GRXCR2: variants seen among roughly 807,000 people sequenced by gnomAD.
GRXCR2 encodes glutaredoxin domain-containing cysteine-rich protein 2.
In GRXCR2, 23 loss-of-function variants were observed where a neutral mutation model predicts 24.8. The ratio of observed to expected loss-of-function variants is 0.93; its 90% CI spans 0.67 to 1.32. The LOEUF (loss-of-function observed/expected upper bound fraction) is 1.32, where lower values mean the gene tolerates loss of function less well. Among genes scored for constraint, GRXCR2 ranks in the 40% most tolerant of loss-of-function variants. The pLI, the probability that GRXCR2 is intolerant of heterozygous loss-of-function variation, is 0.00. For synonymous variants in GRXCR2, 130 were observed against 116.1 expected (o/e 1.12, Z -0.77); for missense variants, 315 against 303.4 (o/e 1.04, Z -0.28).
At position 145,928,830 on chromosome 5, in the gene GRXCR2, C is replaced by G. The variant is rs954111636; in HGVS notation, c.-70+6871G>C. Among the ~76,000 whole-genome samples the G allele has an allele frequency of 2.0e-5, 3 of 151,256 alleles. 1 individual carries two copies. The South Asian group carries it at 6.3e-4, about 32-fold the overall frequency. On this transcript the variant is annotated intron_variant, in intron 2 of 3. Transcript: ENST00000639411. ...TGACAAGTTAATGGGTGCAGCACAC[C>G]AACATGGCACATGTATACATATATA...
intron 2 of GRXCR2, among the ~76,000 whole-genome samples, chr5:145,905,803 G>A (rs1385877372): frequency 1.3e-5 from 2 of 152,072 alleles, no homozygotes; most frequent in Non-Finnish European, 2.9e-5. Context: ...AAGGCTGGGA[G>A]GCATATAGTA....
chr5:145,861,528 C>A (rs933444679), intron 2 of GRXCR2, among the ~76,000 whole-genome samples: 2 of 151,986 alleles, frequency 1.3e-5, no homozygotes, highest in Non-Finnish European at 2.9e-5. Context: ...AGTTCCCCCA[C>A]CCCCATGGCC....
At chr5:145,861,542 T>C (rs1756339204) in intron 2 of GRXCR2, among the ~76,000 whole-genome samples, 1 of 152,042 alleles carries the variant, frequency 6.6e-6, no homozygotes, top group African/African-American at 2.4e-5. Context: ...CATGGCCACC[T>C]GTACTGCCCC....
At chr5:145,919,903 G>A (rs892047726) in intron 2 of GRXCR2, among the ~76,000 whole-genome samples, 13 of 152,144 alleles carry the variant, frequency 8.5e-5, no homozygotes, top group African/African-American at 3.1e-4. Flanking sequence ...AGGGTCTTGT[G>A]AGGTAGGAGA....
chr5:145,904,753 G>A (rs1757067969), intron 2 of GRXCR2, among the ~76,000 whole-genome samples: 1 of 152,148 alleles, frequency 6.6e-6, no homozygotes. Context: ...GACAATCATT[G>A]TATTCCCTCT....
intron 2 of GRXCR2, among the ~76,000 whole-genome samples, chr5:145,884,296 A>G (rs1756745461): frequency 6.6e-6 from 1 of 152,130 alleles, no homozygotes; most frequent in Admixed American, 6.6e-5. Flanking sequence ...TCAATATATC[A>G]ACGAAAAAAT....
chr5:145,881,260 T>G (rs1267594069), intron 2 of GRXCR2, among the ~76,000 whole-genome samples: 1 of 152,240 alleles, frequency 6.6e-6, no homozygotes, highest in Non-Finnish European at 1.5e-5. Flanking sequence ...GCAGATGATG[T>G]GATTGTATAT....
intron 2 of GRXCR2, among the ~76,000 whole-genome samples, chr5:145,892,892 C>G (rs1581344469): frequency 6.6e-6 from 1 of 152,134 alleles, no homozygotes; most frequent in African/African-American, 2.4e-5. Flanking sequence ...GAAAGGTTGG[C>G]TTACCCACAA....
upstream of GRXCR2, among the ~76,000 whole-genome samples, chr5:145,873,713 C>CT (rs1324098147): frequency 5.3e-5 from 8 of 152,176 alleles, no homozygotes; most frequent in Non-Finnish European, 7.4e-5. Context: ...GATTCTGGGC[C>CT]TTCTCCCCCT....
chr5:145,917,199 C>T (rs1757253952), intron 2 of GRXCR2, among the ~76,000 whole-genome samples: 1 of 151,656 alleles, frequency 6.6e-6, no homozygotes, highest in Non-Finnish European at 1.5e-5. Context: ...TCCCACTCGC[C>T]CCCCGAGATT....
At chr5:145,907,307 T>C (rs2149924359) in intron 2 of GRXCR2, among the ~76,000 whole-genome samples, 1 of 152,184 alleles carries the variant, frequency 6.6e-6, no homozygotes, top group East Asian at 1.9e-4. Flanking sequence ...GGCAGGAGGA[T>C]CTTTTGAGGT....
At chr5:145,917,393 G>A (rs1013990956) in intron 2 of GRXCR2, among the ~76,000 whole-genome samples, 1 of 152,108 alleles carries the variant, frequency 6.6e-6, no homozygotes, top group Non-Finnish European at 1.5e-5. Context: ...AATAGAAGAG[G>A]TGTGAGAATG....
At position 145,905,079 on chromosome 5, in the gene GRXCR2, G is replaced by A. The variant is rs548960142; in HGVS notation, c.-70+30622C>T. Among the ~76,000 whole-genome samples, 34 of 152,298 alleles carry A rather than the reference G, an allele frequency of 2.2e-4. No individual in the cohort carries two copies. The South Asian group carries it at 6.0e-3, about 27-fold the overall frequency. On this transcript the variant is annotated intron_variant, in intron 2 of 3. Coordinates refer to the GRXCR2 transcript ENST00000639411. ...GCTCAGAGCCACTGAGGGAGGGAAC[G>A]ACCCAAGAGAGTGATTACCAAAAAG...
intron 2 of GRXCR2, among the ~76,000 whole-genome samples, chr5:145,893,931 G>C (rs985388197): frequency 6.6e-6 from 1 of 152,042 alleles, no homozygotes; most frequent in Non-Finnish European, 1.5e-5. Context: ...ATAACAAACT[G>C]TCTCTCAGAC....
intron 2 of GRXCR2, among the ~76,000 whole-genome samples, chr5:145,917,458 C>A (rs766107864): frequency 6.6e-6 from 1 of 152,084 alleles, no homozygotes. Context: ...AGAAAACACA[C>A]CCTCCCACTC....
intron 2 of GRXCR2, among the ~76,000 whole-genome samples, chr5:145,862,894 T>C (rs1756364392): frequency 6.6e-6 from 1 of 152,226 alleles, no homozygotes; most frequent in East Asian, 1.9e-4. Flanking sequence ...AACTGTTGCA[T>C]GGAGCATTGG....
intron 2 of GRXCR2, among the ~76,000 whole-genome samples, chr5:145,921,566 G>A (rs112138557): frequency 9.9e-5 from 15 of 152,268 alleles, no homozygotes; most frequent in East Asian, 7.7e-4. Flanking sequence ...CCAACTTTCC[G>A]GAGAAGCAAA....
intron 2 of GRXCR2, among the ~76,000 whole-genome samples, chr5:145,896,451 C>T (rs1355255237): frequency 1.3e-5 from 2 of 152,150 alleles, no homozygotes; most frequent in Admixed American, 6.5e-5. Context: ...AAACAAACAA[C>T]CCCATCAGAA....
chr5:145,896,328 C>T (rs1168258773), intron 2 of GRXCR2, among the ~76,000 whole-genome samples: 1 of 152,086 alleles, frequency 6.6e-6, no homozygotes, highest in Non-Finnish European at 1.5e-5. Context: ...AGGAAACTAC[C>T]ATCAGAGTGC....
Sources: allele counts gnomAD v4.1 joint callset (sites outside exome capture counted in the v4.1 genomes callset), GRCh38; gene constraint gnomAD v4.1.1; transcripts MANE v1.5; gene names NCBI Gene and HGNC (gene_info 2026-07-23, HGNC 2026-07-21).